VTI1A: variants seen among roughly 807,000 people sequenced by gnomAD.
VTI1A encodes vesicle transport through interaction with t-SNAREs homolog 1A.
A neutral mutation model predicts 34.9 loss-of-function variants in VTI1A; 22 were observed. That is an observed-to-expected ratio of 0.63 (90% CI 0.45 to 0.90). The LOEUF (loss-of-function observed/expected upper bound fraction) is 0.90, where lower values mean the gene tolerates loss of function less well. Among genes scored for constraint, VTI1A ranks in the 40% least tolerant of loss-of-function variants. The pLI, the probability that VTI1A is intolerant of heterozygous loss-of-function variation, is 0.00. For missense variants in VTI1A, 268 were observed against 275.6 expected (o/e 0.97, Z 0.20); for synonymous variants, 87 against 97.3 (o/e 0.89, Z 0.62).
At chr10:112,732,559 T>C (rs1485526130) in intron 7 of VTI1A, among the ~76,000 whole-genome samples, 1 of 151,796 alleles carries the variant, frequency 6.6e-6, no homozygotes. Context: ...TTCTTTGCAA[T>C]GTTCTTCATG....
chr10:112,662,761 C>A (rs1847506407), intron 5 of VTI1A, among the ~76,000 whole-genome samples: 1 of 152,030 alleles, frequency 6.6e-6, no homozygotes, highest in Admixed American at 6.6e-5. Flanking sequence ...AATATAACAT[C>A]CTGGGTTTGT....
At chr10:112,751,475 T>TAA (rs11411829) in intron 7 of VTI1A, among the ~76,000 whole-genome samples, 2,999 of 100,798 alleles carry the variant, frequency 0.03, 120 homozygotes, top group African/African-American at 0.098. Context: ...ATTAACTGTT[T>TAA]AAAAAAAAAA....
intron 3 of VTI1A, among the ~76,000 whole-genome samples, chr10:112,479,439 G>C (rs1307937059): frequency 6.6e-6 from 1 of 152,050 alleles, no homozygotes; most frequent in Admixed American, 6.5e-5. Context: ...TCCCTTATCT[G>C]ATGAAAACTT....
the VTI1A span, among the ~76,000 whole-genome samples, chr10:112,833,214 C>T: frequency 1.3e-5 from 2 of 152,100 alleles, no homozygotes; most frequent in Non-Finnish European, 2.9e-5. Flanking sequence ...CTCCTGCAGC[C>T]TCTACTCATC....
intron 3 of VTI1A, among the ~76,000 whole-genome samples, chr10:112,502,066 T>C (rs1315300467): frequency 6.7e-6 from 1 of 149,424 alleles, no homozygotes; most frequent in Non-Finnish European, 1.5e-5. Context: ...CTTGTTCTAT[T>C]ACCCAGGCTC....
chr10:112,724,350 G>T (rs761042963), intron 7 of VTI1A, among the ~76,000 whole-genome samples: 1 of 152,066 alleles, frequency 6.6e-6, no homozygotes, highest in Non-Finnish European at 1.5e-5. Flanking sequence ...GTGACATATT[G>T]CCAGCTGTGC....
At chr10:112,730,134 G>A (rs1490119931) in intron 7 of VTI1A, among the ~76,000 whole-genome samples, 4 of 152,208 alleles carry the variant, frequency 2.6e-5, no homozygotes, top group Admixed American at 2.6e-4. Flanking sequence ...GTCATGTTAA[G>A]CTCCTTCAAA....
chr10:112,522,873 A>G (rs1430224037), intron 3 of VTI1A, among the ~76,000 whole-genome samples: 1 of 152,112 alleles, frequency 6.6e-6, no homozygotes, highest in Non-Finnish European at 1.5e-5. Flanking sequence ...TCTGATGATA[A>G]CATTGTATTA....
intron 5 of VTI1A, among the ~76,000 whole-genome samples, chr10:112,625,017 G>A (rs1845868607): frequency 6.6e-6 from 1 of 152,168 alleles, no homozygotes; most frequent in Non-Finnish European, 1.5e-5. Context: ...AGGATCACTT[G>A]AGCCCAAAAG....
At chr10:112,625,276 A>G (rs1452504055) in intron 5 of VTI1A, among the ~76,000 whole-genome samples, 3 of 152,210 alleles carry the variant, frequency 2.0e-5, no homozygotes, top group Non-Finnish European at 4.4e-5. Context: ...AGCATCAGGT[A>G]TATGCAAAGG....
chr10:112,456,528 A>G (rs1847532618), intron 1 of VTI1A, among the ~76,000 whole-genome samples: 2 of 152,062 alleles, frequency 1.3e-5, no homozygotes, highest in Admixed American at 6.5e-5. Context: ...GAAATGAGGT[A>G]TGTCTCAGGA....
intron 7 of VTI1A, among the ~76,000 whole-genome samples, chr10:112,725,376 T>C (rs775662858): frequency 3.9e-5 from 6 of 152,240 alleles, no homozygotes; most frequent in Non-Finnish European, 7.3e-5. Flanking sequence ...TGTAAATTAA[T>C]ACTTAGATCA....
Position 112,791,296 on chromosome 10 carries a change from C to G in VTI1A, c.561-23994C>G, listed in dbSNP as rs572292409. On this transcript the variant is annotated intron_variant, in intron 7 of 7. Coordinates refer to ENST00000393077, the MANE Select transcript of VTI1A (RefSeq NM_145206.4). ...TCTGATATTATTTTCAGTTTTTTGT[C>G]TAGACAGAGAAGACTAACCACTTGG... is the stretch of plus-strand genomic sequence containing the variant. 3.9e-5 allele frequency among the ~76,000 whole-genome samples: 6 copies of G among 152,244 alleles called. No homozygotes were observed. In the South Asian group the frequency reaches 1.2e-3, roughly 32 times the overall value.
intron 7 of VTI1A, among the ~76,000 whole-genome samples, chr10:112,782,651 T>A (rs1852167906): frequency 6.6e-6 from 1 of 152,194 alleles, no homozygotes; most frequent in Admixed American, 6.5e-5. Flanking sequence ...TTACATTTGG[T>A]CTACCTAAAC....
rs10736223 is a variant in VTI1A at position 112,597,464 on chromosome 10, T to G, written c.427+59134T>G. ...AACTCCCGACCGCAGGTGATCTGCC[T>G]GCCTCAGCCTCCCAAAGAGCTGGGA... is the stretch of plus-strand genomic sequence containing the variant. On this transcript the variant is annotated intron_variant, in intron 5 of 7. Transcript: ENST00000393077. 5.3e-5 allele frequency among the ~76,000 whole-genome samples: 8 copies of G among 152,094 alleles called. No homozygotes were observed. In the East Asian group the frequency reaches 1.4e-3, roughly 26 times the overall value.
chr10:112,561,951 C>T (rs1374671165), intron 5 of VTI1A, among the ~76,000 whole-genome samples: 2 of 152,168 alleles, frequency 1.3e-5, no homozygotes, highest in Admixed American at 6.5e-5. Flanking sequence ...AATCTATCAT[C>T]GAACTCTTTT....
intron 7 of VTI1A, among the ~76,000 whole-genome samples, chr10:112,719,596 C>G (rs1158085067): frequency 2.6e-5 from 4 of 151,566 alleles, no homozygotes; most frequent in African/African-American, 7.3e-5. Context: ...GCCCAGGCTG[C>G]AGTGCAATGG....
intron 7 of VTI1A, among the ~76,000 whole-genome samples, chr10:112,751,312 C>T (rs1442631773): frequency 2.0e-5 from 3 of 152,036 alleles, no homozygotes; most frequent in Non-Finnish European, 2.9e-5. Context: ...CCTGCCAGGG[C>T]ACGTAGAGAG....
At chr10:112,852,164 A>G in the VTI1A span, among the ~76,000 whole-genome samples, 2 of 152,148 alleles carry the variant, frequency 1.3e-5, no homozygotes, top group Non-Finnish European at 2.9e-5. Flanking sequence ...ACTCTCATGG[A>G]TTAAATATGT....
Sources: allele counts gnomAD v4.1 joint callset (sites outside exome capture counted in the v4.1 genomes callset), GRCh38; gene constraint gnomAD v4.1.1; transcripts MANE v1.5; gene names NCBI Gene and HGNC (gene_info 2026-07-23, HGNC 2026-07-21).